SHANK2: variants seen among roughly 807,000 people sequenced by gnomAD.
SHANK2 encodes SH3 and multiple ankyrin repeat domains protein 2.
SHANK2 carries 43 observed loss-of-function variants against 133.7 expected under a neutral mutation model. The observed-to-expected ratio is 0.32, with a 90% CI of 0.25 to 0.41. The LOEUF (loss-of-function observed/expected upper bound fraction) is 0.41. SHANK2 is among the 10% of genes least tolerant of loss of function. The pLI is 1.00. For missense variants in SHANK2, 1,994 were observed against 2,235.8 expected (o/e 0.89, Z 2.18); for synonymous variants, 1,017 against 952.8 (o/e 1.07, Z -1.24).
At chr11:70,743,949 C>G (rs1389568427) in intron 14 of SHANK2, among the ~76,000 whole-genome samples, 14 of 152,212 alleles carry the variant, frequency 9.2e-5, no homozygotes, top group Middle Eastern at 3.2e-3. Context: ...GTCCACTGCA[C>G]CTCCTTCTGC....
chr11:70,827,021 AGTTT>A (rs1555057360), intron 11 of SHANK2, among the ~76,000 whole-genome samples: 2 of 152,160 alleles, frequency 1.3e-5, no homozygotes, highest in African/African-American at 4.8e-5. Context: ...GAAAAAGCCA[AGTTT>A]GTTTGTCAGC....
At chr11:70,584,962 T>C (rs1454103631) in intron 17 of SHANK2, among the ~76,000 whole-genome samples, 1 of 152,198 alleles carries the variant, frequency 6.6e-6, no homozygotes, top group African/African-American at 2.4e-5. Flanking sequence ...TGCTGGTGCC[T>C]GAGATCGTCA....
intron 1 of SHANK2, among the ~76,000 whole-genome samples, chr11:71,238,663 C>A (rs1555124020): frequency 6.6e-6 from 1 of 152,234 alleles, no homozygotes. Flanking sequence ...AGGCAGATCA[C>A]CCATCACCAC....
chr11:70,777,052 T>G (rs1473652871), intron 14 of SHANK2, among the ~76,000 whole-genome samples: 1 of 149,230 alleles, frequency 6.7e-6, no homozygotes, highest in Non-Finnish European at 1.5e-5. Flanking sequence ...CACCCACTCA[T>G]GCATCCATCC....
At chr11:71,228,316 C>T (rs151009099) in intron 1 of SHANK2, among the ~76,000 whole-genome samples, 205 of 152,250 alleles carry the variant, frequency 1.3e-3, no homozygotes, top group African/African-American at 4.7e-3. Context: ...AATGAGTTCA[C>T]TGGAGAATTC....
Position 70,804,722 on chromosome 11 carries a change from C to A in SHANK2, c.1663+2280G>T, listed in dbSNP as rs559782753. On this transcript the variant is annotated intron_variant, in intron 13 of 25. Transcript: ENST00000601538. The surrounding 1 kb of genome is among the most constrained non-coding windows in gnomAD (Gnocchi z 4.1). ...CCCAGGGAGTTGGACAGGGGAAGGC[C>A]CCCCCAGAGCTTCTGGGAATTAAGG... Among the ~76,000 whole-genome samples, 1 of 152,260 alleles carries A rather than the reference C, an allele frequency of 6.6e-6. No homozygotes were observed. The highest frequency in any genetic ancestry group is 1.9e-4 in the East Asian group (1 of 5,160).
At chr11:70,859,644 C>T (rs1332425968) in intron 11 of SHANK2, among the ~76,000 whole-genome samples, 2 of 152,150 alleles carry the variant, frequency 1.3e-5, no homozygotes, top group South Asian at 2.1e-4. Flanking sequence ...GAAACTTCTT[C>T]AGAGAAGCTG....
chr11:70,911,380 C>CA (rs1299260867), intron 10 of SHANK2, among the ~76,000 whole-genome samples: 1 of 151,586 alleles, frequency 6.6e-6, no homozygotes, highest in African/African-American at 2.4e-5. Context: ...AACAAAAAAA[C>CA]AAAAAAACAA....
At position 70,485,187 on chromosome 11, in the gene SHANK2, C is replaced by G. The variant is rs1288232101; in HGVS notation, c.4979+127G>C. 1.3e-6 allele frequency: 1 copy of G among 762,480 alleles called. No homozygotes were observed. Among genetic ancestry groups the G allele is most frequent in the African/African-American group, 1.7e-5 (1 of 58,394 alleles). 47.2% of individuals were successfully genotyped at this position (762,480 alleles called of 1,614,324 possible). On this transcript the variant is annotated intron_variant, in intron 25 of 25. Coordinates refer to ENST00000601538, the MANE Select transcript of SHANK2 (RefSeq NM_012309.5). This position sits in a 1 kb window ranked among gnomAD's most constrained non-coding sequence, Gnocchi z 5.8. ...AAAGAAGTGTTACTGCATTAACAGA[C>G]GTGGCCCACACAGGCTTTACGAATT...
chr11:71,079,764 G>C, intron 8 of SHANK2, among the ~76,000 whole-genome samples: 1 of 147,906 alleles, frequency 6.8e-6, no homozygotes, highest in African/African-American at 2.5e-5. Context: ...CGAGAAAAGA[G>C]AGAAAGAAAG....
In SHANK2 at chr11:70,473,473, G is replaced by T; in HGVS notation, c.4980-34C>A. The T allele has an allele frequency of 6.3e-7, 1 of 1,596,056 alleles. No individual in the cohort carries two copies. The highest frequency in any genetic ancestry group is 8.5e-7 in the Non-Finnish European group (1 of 1,176,946). On this transcript the variant is annotated intron_variant, in intron 25 of 25. Coordinates refer to ENST00000601538, the MANE Select transcript of SHANK2 (RefSeq NM_012309.5). The surrounding 1 kb of genome is among the most constrained non-coding windows in gnomAD (Gnocchi z 5.9). ...GCAACACAGAGAAAACCATCACAAG[G>T]CAGGTCACCGAGTCAGGGCAGCTGG...
At chr11:71,113,999 C>T (rs1951935340) in intron 4 of SHANK2, among the ~76,000 whole-genome samples, 1 of 152,134 alleles carries the variant, frequency 6.6e-6, no homozygotes, top group African/African-American at 2.4e-5. Context: ...CTCTAAAATA[C>T]CTCCTCCCTC....
At chr11:71,095,513 G>C (rs1344941156) in intron 6 of SHANK2, among the ~76,000 whole-genome samples, 1 of 152,140 alleles carries the variant, frequency 6.6e-6, no homozygotes, top group Non-Finnish European at 1.5e-5. Flanking sequence ...CAGAGTACCA[G>C]GACAACACAC....
At chr11:71,083,687 G>A (rs1951333327) in intron 8 of SHANK2, among the ~76,000 whole-genome samples, 1 of 152,184 alleles carries the variant, frequency 6.6e-6, no homozygotes, top group Admixed American at 6.5e-5. Context: ...GAAACGCAGG[G>A]TCTGGATCCC....
At chr11:70,749,817 A>C (rs1946718215) in intron 14 of SHANK2, among the ~76,000 whole-genome samples, 1 of 152,240 alleles carries the variant, frequency 6.6e-6, no homozygotes, top group Non-Finnish European at 1.5e-5. Context: ...GAAGAAAGAA[A>C]AAAAGACTGA....
chr11:70,651,490 C>A (rs1254304633), intron 17 of SHANK2, among the ~76,000 whole-genome samples: 1 of 152,162 alleles, frequency 6.6e-6, no homozygotes, highest in African/African-American at 2.4e-5. Flanking sequence ...AGAGCAGTGG[C>A]CTCTGTCTGG....
At chr11:70,803,204 A>G (rs1309494012) in intron 13 of SHANK2, among the ~76,000 whole-genome samples, 1 of 150,770 alleles carries the variant, frequency 6.6e-6, no homozygotes, top group Non-Finnish European at 1.5e-5. Flanking sequence ...TCATTCTTTC[A>G]CGCTGCCATG....
intron 17 of SHANK2, among the ~76,000 whole-genome samples, chr11:70,510,976 T>C (rs1182357211): frequency 6.6e-6 from 1 of 152,236 alleles, no homozygotes; most frequent in Non-Finnish European, 1.5e-5. Context: ...CTCATCCTAT[T>C]CTGCAAAATA....
intron 6 of SHANK2, among the ~76,000 whole-genome samples, chr11:71,104,184 A>G (rs1951768001): frequency 6.6e-6 from 1 of 152,138 alleles, no homozygotes; most frequent in Admixed American, 6.5e-5. Context: ...GCACCACCGT[A>G]GGTGTTATCA....
Sources: allele counts gnomAD v4.1 joint callset (sites outside exome capture counted in the v4.1 genomes callset), GRCh38; gene constraint gnomAD v4.1.1; non-coding constraint Gnocchi (gnomAD v3.1); transcripts MANE v1.5; gene names NCBI Gene and HGNC (gene_info 2026-07-23, HGNC 2026-07-21).